The following CDH2 variants were observed in gnomAD, a reference collection of about 807,000 sequenced individuals.
The protein encoded by CDH2 is cadherin-2.
A neutral mutation model predicts 92.0 loss-of-function variants in CDH2; 17 were observed. The ratio of observed to expected loss-of-function variants is 0.18; its 90% CI spans 0.13 to 0.28. The LOEUF (loss-of-function observed/expected upper bound fraction) is 0.28. Among genes scored for constraint, CDH2 ranks in the 10% least tolerant of loss-of-function variants. The probability of loss-of-function intolerance (pLI) is 1.00; values close to 1 mark genes in which losing one functional copy is unlikely to be tolerated. For synonymous variants in CDH2, 419 were observed against 415.9 expected (o/e 1.01, Z -0.09); for missense variants, 862 against 1,133.1 (o/e 0.76, Z 3.44).
intron 2 of CDH2, among the ~76,000 whole-genome samples, chr18:28,094,985 T>C (rs867120795): frequency 6.6e-6 from 1 of 152,092 alleles, no homozygotes; most frequent in Non-Finnish European, 1.5e-5. Flanking sequence ...TGTTATAACA[T>C]ATGTTTTCCA....
At chr18:28,154,157 A>C (rs1459033956) in intron 1 of CDH2, among the ~76,000 whole-genome samples, 1 of 152,258 alleles carries the variant, frequency 6.6e-6, no homozygotes, top group African/African-American at 2.4e-5. Context: ...AACAAAAAGG[A>C]ATACAGAAAC....
At chr18:27,979,512 A>G (rs1380217464) in intron 14 of CDH2, among the ~76,000 whole-genome samples, 4 of 152,244 alleles carry the variant, frequency 2.6e-5, no homozygotes, top group African/African-American at 9.6e-5. Context: ...ACCAGAACAT[A>G]TGCACACAAA....
At chr18:28,108,889 G>A (rs1426645798) in intron 2 of CDH2, among the ~76,000 whole-genome samples, 2 of 151,916 alleles carry the variant, frequency 1.3e-5, no homozygotes, top group Non-Finnish European at 2.9e-5. Context: ...CTACTCTGCA[G>A]AATTCCATTT....
intron 11 of CDH2, among the ~76,000 whole-genome samples, chr18:27,987,160 A>G (rs1292186987): frequency 1.3e-5 from 2 of 152,220 alleles, no homozygotes; most frequent in Admixed American, 1.3e-4. Context: ...ACATACATAC[A>G]TACATATAAT....
At chr18:28,079,475 G>A (rs1170885232) in intron 2 of CDH2, among the ~76,000 whole-genome samples, 2 of 152,160 alleles carry the variant, frequency 1.3e-5, no homozygotes, top group African/African-American at 4.8e-5. Context: ...ATAGCTAAGT[G>A]TCTTCCCTTG....
In CDH2 at chr18:27,990,331, T is replaced by C. The variant is rs529923349; in HGVS notation, c.1364A>G (p.Asn455Ser). Residue 455 changes from asparagine (N) to serine (S), a missense_variant, in exon 10 of 16, where the codon AAT becomes AGT. By Grantham distance (46) the Asn-to-Ser change is conservative. Coordinates refer to ENST00000269141, the MANE Select transcript of CDH2 (RefSeq NM_001792.5). ...AGCAACAGTAAGGACAAACATCCTATTTGTTTCAAAGTCGATTGGCTGGAA... is the reference window on the plus strand; with the variant it reads ...AGCAACAGTAAGGACAAACATCCTACTTGTTTCAAAGTCGATTGGCTGGAA... The part of the protein sequence containing the change: ...TVVKPIDFET[N>S]RMFVLTVAAE... 2 of 1,611,414 alleles carry C rather than the reference T, an allele frequency of 1.2e-6. No homozygotes were observed. The highest frequency in any genetic ancestry group is 2.2e-5 in the South Asian group (2 of 90,972).
intron 2 of CDH2, among the ~76,000 whole-genome samples, chr18:28,015,964 C>T (rs1470634693): frequency 1.3e-5 from 2 of 152,186 alleles, no homozygotes; most frequent in African/African-American, 2.4e-5. Context: ...TCATCCCCTA[C>T]CTCGTGCTGC....
chr18:27,995,044 G>A (rs1567955187), intron 7 of CDH2, among the ~76,000 whole-genome samples: 1 of 152,020 alleles, frequency 6.6e-6, no homozygotes, highest in Non-Finnish European at 1.5e-5. Flanking sequence ...TAGGTGCGGT[G>A]GCTCACGCCT....
At chr18:27,950,498 C>T (rs1909391737), downstream of CDH2, among the ~76,000 whole-genome samples, 2 of 152,106 alleles carry the variant, frequency 1.3e-5, no homozygotes. Context: ...GTGTGTTTCA[C>T]TAAGTACATA....
At chr18:28,079,381 T>A (rs1829930850) in intron 2 of CDH2, among the ~76,000 whole-genome samples, 1 of 152,220 alleles carries the variant, frequency 6.6e-6, no homozygotes, top group African/African-American at 2.4e-5. Flanking sequence ...TGACTTTCAA[T>A]CCTGTGTGGG....
chr18:27,986,585 T>C (rs1195144896), intron 11 of CDH2, among the ~76,000 whole-genome samples: 1 of 152,162 alleles, frequency 6.6e-6, no homozygotes, highest in African/African-American at 2.4e-5. Flanking sequence ...AAATATATAA[T>C]ATGTTTATGA....
chr18:27,961,707 T>C (rs895159468), intron 15 of CDH2, among the ~76,000 whole-genome samples: 4 of 152,146 alleles, frequency 2.6e-5, no homozygotes, highest in African/African-American at 9.7e-5. Flanking sequence ...GTATCAGGGA[T>C]GGAATGAAAT....
chr18:28,028,885 C>T (rs1421795392), intron 2 of CDH2, among the ~76,000 whole-genome samples: 1 of 152,006 alleles, frequency 6.6e-6, no homozygotes, highest in East Asian at 1.9e-4. Context: ...TTCACAAAGG[C>T]AATGAAGATA....
chr18:28,081,913 C>T (rs1010425700), intron 2 of CDH2, among the ~76,000 whole-genome samples: 2 of 152,068 alleles, frequency 1.3e-5, no homozygotes, highest in African/African-American at 4.8e-5. Flanking sequence ...ATAACATAAG[C>T]CGGCAAGGAA....
At chr18:28,169,028 G>A (rs903982621) in intron 1 of CDH2, among the ~76,000 whole-genome samples, 22 of 152,040 alleles carry the variant, frequency 1.4e-4, no homozygotes, top group Admixed American at 5.9e-4. Flanking sequence ...TCTAAAATGA[G>A]AGCAAAACCA....
chr18:28,051,943 C>T (rs1384914148), intron 2 of CDH2, among the ~76,000 whole-genome samples: 7 of 152,112 alleles, frequency 4.6e-5, no homozygotes, highest in South Asian at 4.1e-4. Flanking sequence ...AATTCTGCCA[C>T]GCATGTTTTA....
chr18:28,100,784 TAAAG>T (rs1038995661), intron 2 of CDH2, among the ~76,000 whole-genome samples: 1 of 152,170 alleles, frequency 6.6e-6, no homozygotes, highest in Non-Finnish European at 1.5e-5. Context: ...TGTTGGAACT[TAAAG>T]AAACGAATTA....
intron 15 of CDH2, among the ~76,000 whole-genome samples, chr18:27,953,162 G>A (rs531764181): frequency 8.6e-5 from 13 of 152,024 alleles, no homozygotes; most frequent in Admixed American, 5.2e-4. Context: ...ATCTGTACAC[G>A]GTATAAATAT....
intron 4 of CDH2, among the ~76,000 whole-genome samples, chr18:28,010,656 A>G (rs1237930132): frequency 6.6e-6 from 1 of 151,700 alleles, no homozygotes; most frequent in African/African-American, 2.4e-5. Context: ...TTAATCCATC[A>G]ATAAAATCTA....
Sources: gnomAD v4.1 joint callset for allele counts (sites outside exome capture counted in the v4.1 genomes callset) on GRCh38, gnomAD v4.1.1 for gene constraint, MANE v1.5 for transcripts, NCBI Gene and HGNC (gene_info 2026-07-23, HGNC 2026-07-21) for gene names.